Variants in APBB2 observed in about 807,000 individuals in gnomAD.
APBB2 encodes the protein Fe65-like 1.
In APBB2, 38 loss-of-function variants were observed where a neutral mutation model predicts 82.5. The ratio of observed to expected loss-of-function variants is 0.46; its 90% CI spans 0.36 to 0.60. The LOEUF is 0.60. APBB2 is among the 20% of genes least tolerant of loss of function. The pLI is 0.00. For synonymous variants in APBB2, 341 were observed against 368.2 expected, an observed-to-expected ratio of 0.93 and a Z score of 0.85; for missense variants, 772 against 972.3, an observed-to-expected ratio of 0.79 and a Z score of 2.74.
intron 1 of APBB2, among the ~76,000 whole-genome samples, chr4:41,188,181 A>AGC (rs1773449354): frequency 6.6e-6 from 1 of 152,246 alleles, no homozygotes; most frequent in Non-Finnish European, 1.5e-5. Flanking sequence ...ACAACCAATT[A>AGC]GCAGGCTTTG....
chr4:40,965,012 T>C (rs1560402603), intron 6 of APBB2, among the ~76,000 whole-genome samples: 3 of 151,778 alleles, frequency 2.0e-5, no homozygotes, highest in South Asian at 2.1e-4. Flanking sequence ...CCCAGCTACT[T>C]GGGAGGCTGA....
intron 10 of APBB2, among the ~76,000 whole-genome samples, chr4:40,928,817 G>A (rs543508566): frequency 4.0e-4 from 57 of 141,200 alleles, no homozygotes; most frequent in African/African-American, 1.2e-3. Flanking sequence ...CCCAGAAGGC[G>A]GCGGTTGCAG....
At chr4:40,874,288 TGA>T (rs1766284988) in intron 12 of APBB2, among the ~76,000 whole-genome samples, 1 of 152,238 alleles carries the variant, frequency 6.6e-6, no homozygotes, top group Non-Finnish European at 1.5e-5. Context: ...GCATATCCTT[TGA>T]GAGACAATAT....
chr4:41,184,316 A>C (rs1001138612), intron 1 of APBB2, among the ~76,000 whole-genome samples: 9 of 152,144 alleles, frequency 5.9e-5, no homozygotes, highest in Admixed American at 5.9e-4. Flanking sequence ...CCCAGTTTAT[A>C]GTAGTTTGTT....
chr4:40,921,961 T>C (rs1293229459), intron 10 of APBB2, among the ~76,000 whole-genome samples: 1 of 152,146 alleles, frequency 6.6e-6, no homozygotes, highest in Non-Finnish European at 1.5e-5. Flanking sequence ...AATGAGACCA[T>C]CATGGATCGA....
At chr4:40,913,235 C>A (rs1779009022) in intron 10 of APBB2, among the ~76,000 whole-genome samples, 1 of 152,106 alleles carries the variant, frequency 6.6e-6, no homozygotes, top group Non-Finnish European at 1.5e-5. Context: ...ACGCTGTGGG[C>A]CAATGGTGAA....
chr4:41,145,901 T>G (rs1048552033), intron 1 of APBB2, among the ~76,000 whole-genome samples: 1 of 152,158 alleles, frequency 6.6e-6, no homozygotes, highest in South Asian at 2.1e-4. Context: ...TTTCAAAAAT[T>G]AAGAGATGCC....
At chr4:41,019,424 G>A (rs968787543) in intron 5 of APBB2, among the ~76,000 whole-genome samples, 2 of 152,138 alleles carry the variant, frequency 1.3e-5, no homozygotes, top group East Asian at 1.9e-4. Flanking sequence ...GGACAGACAC[G>A]TGTGTCACTA....
chr4:41,072,465 T>C (rs1361016823), intron 3 of APBB2, among the ~76,000 whole-genome samples: 1 of 152,204 alleles, frequency 6.6e-6, no homozygotes, highest in East Asian at 1.9e-4. Flanking sequence ...CTTTCCCTTC[T>C]TCAAGTCAGC....
At chr4:40,910,837 C>G (rs1449683531) in intron 10 of APBB2, among the ~76,000 whole-genome samples, 1 of 152,284 alleles carries the variant, frequency 6.6e-6, no homozygotes, top group Non-Finnish European at 1.5e-5. Context: ...GTTTCCTCAT[C>G]TGCATCACCG....
At chr4:41,091,620 C>A (rs886455741) in intron 3 of APBB2, among the ~76,000 whole-genome samples, 1 of 152,256 alleles carries the variant, frequency 6.6e-6, no homozygotes, top group African/African-American at 2.4e-5. Context: ...ATCACCAACA[C>A]CTTGCAGAGT....
intron 6 of APBB2, among the ~76,000 whole-genome samples, chr4:40,972,909 T>G (rs185133880): frequency 1.5e-3 from 232 of 152,334 alleles, no homozygotes; most frequent in African/African-American, 5.4e-3. Flanking sequence ...ATTTGCTAAA[T>G]GAATTCCACA....
chr4:40,840,320 G>A (rs1421164219), intron 12 of APBB2, among the ~76,000 whole-genome samples: 1 of 152,192 alleles, frequency 6.6e-6, no homozygotes, highest in Non-Finnish European at 1.5e-5. Context: ...AAGGTCTGGA[G>A]GAAGAATGAG....
chr4:41,122,336 A>C (rs1215727454), intron 2 of APBB2, among the ~76,000 whole-genome samples: 1 of 152,164 alleles, frequency 6.6e-6, no homozygotes, highest in Non-Finnish European at 1.5e-5. Context: ...ATAGAAGCTG[A>C]CTTTTTTTGA....
intron 1 of APBB2, among the ~76,000 whole-genome samples, chr4:41,188,785 G>A (rs1057504542): frequency 3.9e-5 from 6 of 152,226 alleles, no homozygotes; most frequent in Non-Finnish European, 7.4e-5. Flanking sequence ...GTGGTGGCAC[G>A]TGCCTGTAGT....
At chr4:40,972,445 T>TA (rs372950734) in intron 6 of APBB2, among the ~76,000 whole-genome samples, 59 of 147,074 alleles carry the variant, frequency 4.0e-4, no homozygotes, top group African/African-American at 1.3e-3. Flanking sequence ...AAAAAAATAA[T>TA]AATAAATAAA....
intron 3 of APBB2, among the ~76,000 whole-genome samples, chr4:41,096,781 T>C (rs1743609238): frequency 6.6e-6 from 1 of 152,244 alleles, no homozygotes; most frequent in Non-Finnish European, 1.5e-5. Context: ...ATTGAACATC[T>C]TGTCTAAGAA....
In APBB2 at chr4:40,859,610, G is replaced by A. The variant is rs548070762; in HGVS notation, c.1530-29033C>T. Among the ~76,000 whole-genome samples, 38 of 152,256 alleles carry A rather than the reference G, an allele frequency of 2.5e-4. No homozygotes were observed. The South Asian group carries it at 6.4e-3, about 26-fold the overall frequency. ...AAACAAAAACAAAAATCACAAATGC[G>A]AGTCCCTTCAAAAACGAAAATCACA... On this transcript the variant is annotated intron_variant, in intron 12 of 17. Transcript: ENST00000508593.
intron 12 of APBB2, among the ~76,000 whole-genome samples, chr4:40,869,875 T>C (rs1765001776): frequency 1.3e-5 from 2 of 151,920 alleles, no homozygotes; most frequent in Admixed American, 1.3e-4. Flanking sequence ...TATATATTCC[T>C]GTAGAAATAG....
Sources: allele counts gnomAD v4.1 joint callset (sites outside exome capture counted in the v4.1 genomes callset), GRCh38; gene constraint gnomAD v4.1.1; transcripts MANE v1.5; gene names NCBI Gene and HGNC (gene_info 2026-07-23, HGNC 2026-07-21).